Variants in LPL observed in about 807,000 individuals in gnomAD.
LPL encodes the protein phospholipase A1.
LPL carries 43 observed loss-of-function variants against 52.2 expected under a neutral mutation model. That is an observed-to-expected ratio of 0.82 (90% CI 0.64 to 1.06). The LOEUF (loss-of-function observed/expected upper bound fraction) is 1.06, where lower values mean the gene tolerates loss of function less well. Ranked by LOEUF, LPL falls within the 50% of genes least tolerant of loss-of-function variation. LPL has a pLI of 0.00. For missense variants in LPL, 639 were observed against 585.3 expected, an observed-to-expected ratio of 1.09 and a Z score of -0.95; for synonymous variants, 244 against 215.6, an observed-to-expected ratio of 1.13 and a Z score of -1.15.
At chr8:19,953,568 T>C in intron 4 of LPL, 147 bp downstream of exon 4, 1 of 676,584 alleles carries the variant, frequency 1.5e-6, no homozygotes, top group Admixed American at 2.1e-5. Context: ...ATTGTAGGGC[T>C]CTTTATTAGG....
At chr8:19,951,051 C>A (rs574483464) in intron 2 of LPL, among the ~76,000 whole-genome samples, 28 of 152,220 alleles carry the variant, frequency 1.8e-4, no homozygotes, top group African/African-American at 6.0e-4. Flanking sequence ...AATAAGCTGC[C>A]TGGGGACTCA....
Position 19,956,061 on chromosome 8 carries a change from T to C in LPL, c.996T>C (p.Thr332=). 5 of 1,614,192 alleles carry C rather than the reference T, an allele frequency of 3.1e-6. No individual in the cohort carries two copies. Among genetic ancestry groups the C allele is most frequent in the Non-Finnish European group, 4.2e-6 (5 of 1,180,030 alleles). Residue 332 remains threonine (T), a synonymous_variant, in exon 6 of 10, where the codon ACT becomes ACC. Transcript: ENST00000650287. ...GAAGCAGCAAAATGTACCTGAAGAC[T>C]CGTTCTCAGATGCCCTACAAAGGTA... ...AKRSSKMYLK[T]RSQMPYKVFH...
chr8:19,963,622 G>A (rs1040988515), intron 9 of LPL, among the ~76,000 whole-genome samples: 1 of 151,746 alleles, frequency 6.6e-6, no homozygotes, highest in Non-Finnish European at 1.5e-5. Flanking sequence ...CCCAATTAAC[G>A]TTTTTATTTA....
chr8:19,965,257 T>G, intron 9 of LPL, 53 bp from the exon 10 acceptor site: 1 of 778,812 alleles, frequency 1.3e-6, no homozygotes, highest in Non-Finnish European at 2.4e-6. Context: ...AGGCGGGAAT[T>G]GTAAAACACT....
At position 19,965,908 on chromosome 8, in the gene LPL, A is replaced by G. The variant is rs2070083806; in HGVS notation, c.*598A>G. The G allele has an allele frequency of 1.3e-5, 2 of 152,442 alleles. No homozygotes were observed. The highest frequency in any genetic ancestry group is 1.5e-5 in the Non-Finnish European group (1 of 68,224). The allele number at this position is 152,442 out of a possible 1,614,324, so 9.4% of individuals were successfully genotyped here. A position where few individuals can be genotyped will look rare whatever the true frequency, so the allele number is the denominator to read the frequency against. On this transcript the variant is annotated 3_prime_UTR_variant, in exon 10 of 10. Transcript: ENST00000650287. ...GGTCTGATAAACACAGAGGTTTTAA[A>G]CAGTCCCTACCATTGGCCTGCATCA... is the stretch of plus-strand genomic sequence containing the variant.
At position 19,962,228 on chromosome 8, in the gene LPL, T is replaced by A; in HGVS notation, c.1427+9T>A. On this transcript the variant is annotated intron_variant, in intron 9 of 9. Coordinates refer to ENST00000650287, the MANE Select transcript of LPL (RefSeq NM_000237.3). ...AATAAGAAGTCAGGCTGGTGAGCATTCTGGGCTAAAGCTGACTGGGCATCC... is the reference window on the plus strand; with the variant it reads ...AATAAGAAGTCAGGCTGGTGAGCATACTGGGCTAAAGCTGACTGGGCATCC... 2.5e-6 allele frequency: 4 copies of A among 1,610,622 alleles called. No individual in the cohort carries two copies. Among genetic ancestry groups the A allele is most frequent in the Non-Finnish European group, 3.4e-6 (4 of 1,176,978 alleles).
rs1563575280 is a variant in LPL, at chr8:19,954,334, T to G, written c.756T>G (p.Ile252Met). The G allele has an allele frequency of 6.2e-7, 1 of 1,614,066 alleles. No individual in the cohort carries two copies. Among genetic ancestry groups the G allele is most frequent in the East Asian group, 2.2e-5 (1 of 44,888 alleles). Reference protein sequence around the residue: ...GCNIGEAIRVIAERGLGDVDQ... With the variant: ...GCNIGEAIRVMAERGLGDVDQ... ...ACATTGGAGAAGCTATCCGCGTGAT[T>G]GCAGAGAGAGGACTTGGAGGTAAAT... Residue 252 changes from isoleucine to methionine, a missense_variant, in exon 5 of 10, where the codon ATT becomes ATG. Physicochemically the swap from Ile to Met is conservative, Grantham distance 10. Transcript: ENST00000650287.
At chr8:19,940,065 G>C (rs1277723127) in intron 1 of LPL, among the ~76,000 whole-genome samples, 1 of 152,200 alleles carries the variant, frequency 6.6e-6, no homozygotes, top group Non-Finnish European at 1.5e-5. Context: ...TCAGCCGCAC[G>C]GGGTACGCTC....
chr8:19,961,643 T>C (rs77243948), intron 8 of LPL, among the ~76,000 whole-genome samples: 3,516 of 152,232 alleles, frequency 0.023, 52 homozygotes, highest in Middle Eastern at 0.065. Flanking sequence ...TAAGTTAGGA[T>C]TGACAAATTA....
intron 5 of LPL, 91 bp from the exon 6 acceptor site, chr8:19,955,750 C>A: frequency 6.6e-7 from 1 of 1,504,736 alleles, no homozygotes; most frequent in Non-Finnish European, 9.2e-7. Flanking sequence ...TCTACTCTAA[C>A]ACCACATCTC....
rs1286263924 is a variant in LPL, at chr8:19,959,293, G to C, written c.1052G>C (p.Gly351Ala). 6.2e-7 allele frequency: 1 copy of C among 1,613,874 alleles called. No individual in the cohort carries two copies. The highest frequency in any genetic ancestry group is 1.7e-5 in the Admixed American group (1 of 59,978). Residue 351 changes from glycine to alanine, a missense_variant, in exon 7 of 10, where the codon GGG (glycine) becomes GCG (alanine). Gly to Ala is a moderately conservative substitution (Grantham distance 60). Transcript: ENST00000650287. ...TACCAAGTAAAGATTCATTTTTCTG[G>C]GACTGAGAGTGAAACCCATACCAAT... ...FHYQVKIHFS[G>A]TESETHTNQA...
chr8:19,955,208 A>C (rs1047266786), intron 5 of LPL, among the ~76,000 whole-genome samples: 1 of 152,216 alleles, frequency 6.6e-6, no homozygotes, highest in Non-Finnish European at 1.5e-5. Context: ...TAGTAGGGGC[A>C]GAACCCTCAA....
chr8:19,941,294 T>C (rs763203418), intron 1 of LPL, among the ~76,000 whole-genome samples: 1 of 152,358 alleles, frequency 6.6e-6, no homozygotes, highest in East Asian at 1.9e-4. Flanking sequence ...AGGAGCCAAC[T>C]CCAAATTCTT....
chr8:19,943,772 T>G (rs898564169), intron 1 of LPL, among the ~76,000 whole-genome samples: 1 of 152,220 alleles, frequency 6.6e-6, no homozygotes, highest in Admixed American at 6.5e-5. Context: ...GAACCTATTT[T>G]TTAACCCCTC....
chr8:19,939,304 C>A lies in LPL; in HGVS notation c.-137C>A. Reference sequence around the variant, plus strand: ...CTCCTCAAGGGAAAGCTGCCCACTTCTAGCTGCCCTGCCATCCCCTTTAAA... The same window carrying A: ...CTCCTCAAGGGAAAGCTGCCCACTTATAGCTGCCCTGCCATCCCCTTTAAA... On this transcript the variant is annotated 5_prime_UTR_variant, in exon 1 of 10. Coordinates refer to ENST00000650287, the MANE Select transcript of LPL (RefSeq NM_000237.3). This position sits in a 1 kb window ranked among gnomAD's most constrained non-coding sequence, Gnocchi z 4.0. 1.4e-6 allele frequency: 1 copy of A among 727,354 alleles called. No individual in the cohort carries two copies. The highest frequency in any genetic ancestry group is 1.6e-5 in the South Asian group (1 of 61,020). 45.1% of individuals were successfully genotyped at this position (727,354 alleles called of 1,614,324 possible). A position where few individuals can be genotyped will look rare whatever the true frequency, so the allele number is the denominator to read the frequency against.
chr8:19,942,493 A>C (rs1377036842), intron 1 of LPL, among the ~76,000 whole-genome samples: 1 of 152,226 alleles, frequency 6.6e-6, no homozygotes, highest in Non-Finnish European at 1.5e-5. Context: ...TAAAAACAAC[A>C]AAAACACTTA....
intron 1 of LPL, among the ~76,000 whole-genome samples, chr8:19,947,814 G>C (rs2069895303): frequency 6.6e-6 from 1 of 152,100 alleles, no homozygotes; most frequent in South Asian, 2.1e-4. Context: ...CCTCAGCCAA[G>C]TCACTTAAAT....
At chr8:19,952,615 AGC>A (rs2069945634) in intron 3 of LPL, among the ~76,000 whole-genome samples, 1 of 152,232 alleles carries the variant, frequency 6.6e-6, no homozygotes. Flanking sequence ...GTAAAAAATA[AGC>A]TGTGTTTATT....
rs1394296732 is a variant in LPL at position 19,966,415 on chromosome 8, C to T, written c.*1105C>T. On this transcript the variant is annotated 3_prime_UTR_variant, in exon 10 of 10. Coordinates refer to ENST00000650287, the MANE Select transcript of LPL (RefSeq NM_000237.3). ...TTCCTAAGCAGTGCTTGTAAACCAT[C>T]GCGTGCAATGAGCCAGATGGAGTAC... 1 of 152,132 alleles carries T rather than the reference C, an allele frequency of 6.6e-6. No individual in the cohort carries two copies. The highest frequency in any genetic ancestry group is 6.5e-5 in the Admixed American group (1 of 15,282). 9.4% of individuals were successfully genotyped at this position (152,132 alleles called of 1,614,324 possible).
Sources: gnomAD v4.1 joint callset for allele counts (sites outside exome capture counted in the v4.1 genomes callset) on GRCh38, gnomAD v4.1.1 for gene constraint, Gnocchi (gnomAD v3.1) non-coding constraint, MANE v1.5 for transcripts, NCBI Gene and HGNC (gene_info 2026-07-23, HGNC 2026-07-21) for gene names.